Variants in RGS12 observed in about 807,000 individuals in gnomAD.
The protein encoded by RGS12 is regulator of G protein signaling 12.
A neutral mutation model predicts 120.1 loss-of-function variants in RGS12; 66 were observed. The ratio of observed to expected loss-of-function variants is 0.55; its 90% confidence interval spans 0.45 to 0.67. The LOEUF is 0.67. Among genes scored for constraint, RGS12 ranks in the 30% least tolerant of loss-of-function variants. RGS12 has a pLI of 0.00. For synonymous variants in RGS12, 827 were observed against 804.7 expected, an observed-to-expected ratio of 1.03 and a Z score of -0.47; for missense variants, 1,859 against 1,957.7, an observed-to-expected ratio of 0.95 and a Z score of 0.95.
intron 2 of RGS12, among the ~76,000 whole-genome samples, chr4:3,337,763 G>A (rs1712634081): frequency 6.6e-6 from 1 of 152,032 alleles, no homozygotes; most frequent in African/African-American, 2.4e-5. Flanking sequence ...TCTGGAGGAC[G>A]GTGGTGATGC....
the RGS12 span, among the ~76,000 whole-genome samples, chr4:3,287,347 A>C: frequency 6.6e-6 from 1 of 152,006 alleles, no homozygotes; most frequent in Non-Finnish European, 1.5e-5. Flanking sequence ...GGCACATCAC[A>C]TGGTCTGAAA....
At chr4:3,343,111 AC>A in intron 3 of RGS12, 58 bp downstream of exon 3, 1 of 1,264,762 alleles carries the variant, frequency 7.9e-7, no homozygotes, top group Non-Finnish European at 1.1e-6. Flanking sequence ...ATGCAAGTCC[AC>A]CTTGCAGATA....
chr4:3,427,564 C>T (rs768539740), intron 14 of RGS12, among the ~76,000 whole-genome samples: 1 of 152,098 alleles, frequency 6.6e-6, no homozygotes, highest in Non-Finnish European at 1.5e-5. Flanking sequence ...GGTGAAACCT[C>T]GTTTCTACTA....
chr4:3,353,398 G>A (rs1276302217), intron 3 of RGS12, among the ~76,000 whole-genome samples: 9 of 152,180 alleles, frequency 5.9e-5, no homozygotes, highest in Admixed American at 5.9e-4. Flanking sequence ...GCTGTGAATG[G>A]CGCTGCTTCT....
rs148986930 is a variant in RGS12, at chr4:3,438,574, C to G, written c.4115-881C>G. ...CACCGTTCACTTTCCTTGGCCCCAG[C>G]CTTCGTTGGCCCCTGGGGACTCCAC... On this transcript the variant is annotated intron_variant, in intron 17 of 17. Transcript: ENST00000336727. Among the ~76,000 whole-genome samples, 133 of 152,226 alleles carry G rather than the reference C, an allele frequency of 8.7e-4. 1 individual carries two copies. The highest frequency in any genetic ancestry group is 3.1e-3 in the African/African-American group (127 of 41,540).
intron 2 of RGS12, among the ~76,000 whole-genome samples, chr4:3,321,644 C>T (rs1260331637): frequency 6.6e-6 from 1 of 152,242 alleles, no homozygotes; most frequent in Non-Finnish European, 1.5e-5. Flanking sequence ...CCTTGGCTTG[C>T]CTGCACCCCA....
At position 3,416,076 on chromosome 4, in the gene RGS12, C is replaced by T; in HGVS notation, c.2382C>T (p.Val794=). Reference sequence around the variant, plus strand: ...GCCAGGCCCAGCTAGCAGACGACGTCCTCCGCGCACCTCACCCAGACATGT... The same window carrying T: ...GCCAGGCCCAGCTAGCAGACGACGTTCTCCGCGCACCTCACCCAGACATGT... The part of the protein sequence containing the change: ...IDSQAQLADD[V]LRAPHPDMFK... The change falls in exon 7 of 18, where the codon GTC becomes GTT. Residue 794 remains valine (V), a synonymous_variant. Transcript: ENST00000336727. 6.2e-7 allele frequency: 1 copy of T among 1,614,112 alleles called. No homozygotes were observed. Among genetic ancestry groups the T allele is most frequent in the South Asian group, 1.1e-5 (1 of 91,070 alleles).
intron 12 of RGS12, 124 bp downstream of exon 12, chr4:3,423,102 G>C: frequency 1.5e-6 from 1 of 682,438 alleles, no homozygotes; most frequent in Non-Finnish European, 2.5e-6. Flanking sequence ...ACGATGGGGT[G>C]TCGGGGCGGG....
chr4:3,439,759 G>T lies in RGS12; in HGVS notation c.*75G>T. The T allele has an allele frequency of 5.1e-6, 7 of 1,373,992 alleles. No individual in the cohort carries two copies. Among genetic ancestry groups the T allele is most frequent in the South Asian group, 1.5e-5 (1 of 65,624 alleles). The allele number at this position is 1,373,992 out of a possible 1,614,324, so 85.1% of individuals were successfully genotyped here. ...CCCAGGTGGATTCTGTGGGCCTCAG[G>T]GGGGCCACCCTGGCCACCACACCCT... On this transcript the variant is annotated 3_prime_UTR_variant, in exon 18 of 18. Transcript: ENST00000336727.
At chr4:3,343,165 C>T in intron 3 of RGS12, 112 bp downstream of exon 3, 1 of 698,554 alleles carries the variant, frequency 1.4e-6, no homozygotes, top group South Asian at 1.7e-5. Flanking sequence ...CTCCCCTCCT[C>T]CTCTGTAGTG....
the RGS12 span, among the ~76,000 whole-genome samples, chr4:3,287,087 T>A: frequency 1.3e-5 from 2 of 151,996 alleles, no homozygotes; most frequent in Non-Finnish European, 2.9e-5. Context: ...TCTTTTATAA[T>A]CCTCCGGGAA....
chr4:3,430,408 G>C lies in RGS12; in HGVS notation c.3567G>C (p.Glu1189Asp). Residue 1189 changes from glutamate (E) to aspartate (D), a missense_variant and splice_region_variant, in exon 17 of 18, where the codon GAG (glutamate) becomes GAC (aspartate). Glu to Asp is a conservative substitution (Grantham distance 45). This residue lies in a region of RGS12 where 517 missense variants were observed against 488.5 expected (regional missense o/e 1.06). Transcript: ENST00000336727. ...YQKINLDEAEEFFELISKAQS... is the reference protein window; with the variant it reads ...YQKINLDEAEDFFELISKAQS... ...TCACTCTGGGTTTTCTTCCAATAGA[G>C]TTTTTTGAGCTTATTTCCAAAGCTC... 4 of 1,607,710 alleles carry C rather than the reference G, an allele frequency of 2.5e-6. No individual in the cohort carries two copies. The highest frequency in any genetic ancestry group is 1.1e-5 in the South Asian group (1 of 90,822).
chr4:3,367,380 C>T (rs1001586590), intron 3 of RGS12, among the ~76,000 whole-genome samples: 14 of 152,262 alleles, frequency 9.2e-5, no homozygotes, highest in African/African-American at 1.2e-4. Context: ...AGCGCATGAT[C>T]GGGTGCTCCC....
chr4:3,428,848 C>T, intron 16 of RGS12, 137 bp downstream of exon 16: 1 of 750,198 alleles, frequency 1.3e-6, no homozygotes, highest in South Asian at 1.9e-5. Context: ...CATGTTTCTC[C>T]CGGGGGCAGT....
rs112397589 is a variant in RGS12 at position 3,429,172 on chromosome 4, G to A, written c.3565+461G>A. On this transcript the variant is annotated intron_variant, in intron 16 of 17. Coordinates refer to ENST00000336727, the MANE Select transcript of RGS12 (RefSeq NM_001394154.1). ...GTGGGCTTGCTGAGCTCTCTTGGCT[G>A]CGGGGGTCAGTGAGGAAGGTCAGCC... Among the ~76,000 whole-genome samples, 1,404 of 152,192 alleles carry A rather than the reference G, an allele frequency of 9.2e-3. 14 individuals are homozygous for A. The highest frequency in any genetic ancestry group is 0.011 in the Non-Finnish European group (743 of 68,042).
At chr4:3,426,436 C>G (rs984113130) in intron 14 of RGS12, among the ~76,000 whole-genome samples, 1 of 152,002 alleles carries the variant, frequency 6.6e-6, no homozygotes, top group African/African-American at 2.4e-5. Flanking sequence ...TGATCTGGCG[C>G]CCTTCCCTCC....
At chr4:3,406,569 C>T (rs908479134) in intron 4 of RGS12, among the ~76,000 whole-genome samples, 6 of 152,198 alleles carry the variant, frequency 3.9e-5, no homozygotes, top group Non-Finnish European at 8.8e-5. Flanking sequence ...CAGTTGCTGT[C>T]GGGGGCCGCT....
Position 3,316,587 on chromosome 4 carries a change from G to A in RGS12, c.417G>A (p.Glu139=), listed in dbSNP as rs774296148. The change falls in exon 2 of 18, where the codon GAG becomes GAA. Residue 139 remains glutamate (E), a synonymous_variant. Coordinates refer to ENST00000336727, the MANE Select transcript of RGS12 (RefSeq NM_001394154.1). ...TAAACAGAGCAGAGCGAGTCGTGGAGGAAATGCAGTCTGGTGGAATTTTCA... is the reference window on the plus strand; with the variant it reads ...TAAACAGAGCAGAGCGAGTCGTGGAAGAAATGCAGTCTGGTGGAATTTTCA... ...LGINRAERVV[E]EMQSGGIFNM... The A allele has an allele frequency of 3.1e-6, 5 of 1,614,160 alleles. No homozygotes were observed. The highest frequency in any genetic ancestry group is 1.7e-5 in the Admixed American group (1 of 60,028).
intron 5 of RGS12, 31 bp from the exon 6 acceptor site, chr4:3,414,721 T>C: frequency 6.9e-7 from 1 of 1,458,006 alleles, no homozygotes; most frequent in Non-Finnish European, 9.6e-7. Flanking sequence ...CCTGTGTCAG[T>C]GTTAATAAAT....
Sources: gnomAD v4.1 joint callset for allele counts (sites outside exome capture counted in the v4.1 genomes callset) on GRCh38, gnomAD v4.1.1 for gene constraint, gnomAD v4.1.1 regional missense constraint, MANE v1.5 for transcripts, NCBI Gene and HGNC (gene_info 2026-07-23, HGNC 2026-07-21) for gene names.